The following MITF variants were observed in gnomAD, a reference collection of about 807,000 sequenced individuals.
MITF encodes melanocyte inducing transcription factor.
In MITF, 17 loss-of-function variants were observed where a neutral mutation model predicts 60.5. The observed-to-expected ratio is 0.28, with a 90% confidence interval of 0.19 to 0.42. MITF has a LOEUF of 0.42. MITF is among the 10% of genes least tolerant of loss of function. MITF has a pLI of 1.00. For synonymous variants in MITF, 260 were observed against 248.5 expected (o/e 1.05, Z -0.43); for missense variants, 622 against 683.5 (o/e 0.91, Z 1.00).
At chr3:69,741,538 C>T (rs1703529669) in intron 1 of MITF, among the ~76,000 whole-genome samples, 1 of 152,050 alleles carries the variant, frequency 6.6e-6, no homozygotes, top group South Asian at 2.1e-4. Context: ...GCAAAAAAGA[C>T]TTGTAAGGGT....
chr3:69,966,348 T>G lies in MITF; in HGVS notation c.*1100T>G. ...AGGTCTTGCATTTAAAAGACAGCTT[T>G]GCGAATATTTTGTAAATTACAGTCT... On this transcript the variant is annotated 3_prime_UTR_variant, in exon 10 of 10. Coordinates refer to ENST00000352241, the MANE Select transcript of MITF (RefSeq NM_001354604.2). The G allele has an allele frequency of 4.3e-6, 1 of 233,014 alleles. No individual in the cohort carries two copies. Among genetic ancestry groups the G allele is most frequent in the African/African-American group, 2.2e-5 (1 of 45,450 alleles). The allele number at this position is 233,014 out of a possible 1,614,324, so 14.4% of individuals were successfully genotyped here.
At chr3:69,930,118 T>G (rs1310657450) in intron 2 of MITF, among the ~76,000 whole-genome samples, 1 of 152,126 alleles carries the variant, frequency 6.6e-6, no homozygotes, top group Non-Finnish European at 1.5e-5. Context: ...ATGAACATGC[T>G]GAGCTTGAGA....
Position 69,941,210 on chromosome 3 carries a change from C to G in MITF, c.667-26C>G, listed in dbSNP as rs770055096. The G allele has an allele frequency of 8.1e-6, 12 of 1,487,228 alleles. 1 individual carries two copies. In the South Asian group the frequency reaches 1.4e-4, roughly 17 times the overall value. 92.1% of individuals were successfully genotyped at this position (1,487,228 alleles called of 1,614,324 possible). A position where few individuals can be genotyped will look rare whatever the true frequency, so the allele number is the denominator to read the frequency against. On this transcript the variant is annotated intron_variant, in intron 4 of 9. Transcript: ENST00000352241. Reference sequence around the variant, plus strand: ...TTGCATAGTTTATTTATTTTTGTCTCTCTTCTCTTACCCTTTTTCCTACAG... The same window carrying G: ...TTGCATAGTTTATTTATTTTTGTCTGTCTTCTCTTACCCTTTTTCCTACAG...
At chr3:69,765,420 A>T (rs1466547457) in intron 1 of MITF, among the ~76,000 whole-genome samples, 1 of 152,248 alleles carries the variant, frequency 6.6e-6, no homozygotes, top group Non-Finnish European at 1.5e-5. Flanking sequence ...GTCAAAATAG[A>T]AACTCTTTAG....
At chr3:69,943,179 G>A (rs1055496412) in intron 5 of MITF, among the ~76,000 whole-genome samples, 1 of 150,400 alleles carries the variant, frequency 6.6e-6, no homozygotes, top group Non-Finnish European at 1.5e-5. Context: ...TGGGATTATA[G>A]GTGTGTGCCA....
intron 1 of MITF, among the ~76,000 whole-genome samples, chr3:69,873,967 G>C (rs2064295047): frequency 6.6e-6 from 1 of 152,092 alleles, no homozygotes; most frequent in African/African-American, 2.4e-5. Flanking sequence ...GTTTTTCTCA[G>C]CTAGCCTTTT....
At chr3:69,828,569 T>A (rs1268676000) in intron 1 of MITF, among the ~76,000 whole-genome samples, 1 of 151,872 alleles carries the variant, frequency 6.6e-6, no homozygotes, top group Non-Finnish European at 1.5e-5. Flanking sequence ...TCTGTGTATA[T>A]GTATATATAA....
At chr3:69,834,869 A>G (rs2063514669) in intron 1 of MITF, among the ~76,000 whole-genome samples, 1 of 135,716 alleles carries the variant, frequency 7.4e-6, no homozygotes, top group East Asian at 2.0e-4. Context: ...TTTTGATAGT[A>G]GCCATTCTAA....
intron 9 of MITF, among the ~76,000 whole-genome samples, chr3:69,962,713 A>G (rs966958417): frequency 3.9e-5 from 6 of 152,306 alleles, no homozygotes; most frequent in South Asian, 2.1e-4. Flanking sequence ...TGTGTGGTTC[A>G]TTTTAGGAGT....
At chr3:69,811,078 A>G (rs1243589267) in intron 1 of MITF, among the ~76,000 whole-genome samples, 2 of 152,220 alleles carry the variant, frequency 1.3e-5, no homozygotes, top group Non-Finnish European at 1.5e-5. Context: ...CTGACAACAC[A>G]TTAGAATGAC....
intron 1 of MITF, among the ~76,000 whole-genome samples, chr3:69,789,086 T>G (rs2062698104): frequency 6.6e-6 from 1 of 151,968 alleles, no homozygotes; most frequent in Non-Finnish European, 1.5e-5. Context: ...AATAAAAAAT[T>G]GACATAGGAC....
chr3:69,761,666 C>T (rs2062214376), intron 1 of MITF, among the ~76,000 whole-genome samples: 1 of 152,136 alleles, frequency 6.6e-6, no homozygotes. Flanking sequence ...TAAAGGTGCT[C>T]ACAGCATGCC....
At chr3:69,846,908 A>G (rs753867275) in intron 1 of MITF, among the ~76,000 whole-genome samples, 2 of 152,092 alleles carry the variant, frequency 1.3e-5, no homozygotes, top group Non-Finnish European at 2.9e-5. Context: ...AATGACAAGG[A>G]AGATGCCTAG....
At chr3:69,771,556 G>A (rs1252286975) in intron 1 of MITF, among the ~76,000 whole-genome samples, 1 of 152,194 alleles carries the variant, frequency 6.6e-6, no homozygotes, top group Admixed American at 6.5e-5. Context: ...AGCTGCTTCA[G>A]CCATCATAGA....
At chr3:69,742,752 C>T (rs1399096499) in intron 1 of MITF, among the ~76,000 whole-genome samples, 1 of 152,158 alleles carries the variant, frequency 6.6e-6, no homozygotes, top group Non-Finnish European at 1.5e-5. Flanking sequence ...AGTAAGTGCT[C>T]AGGAAATGTT....
At chr3:69,873,365 A>G (rs1373491055) in intron 1 of MITF, among the ~76,000 whole-genome samples, 2 of 152,214 alleles carry the variant, frequency 1.3e-5, no homozygotes, top group Non-Finnish European at 2.9e-5. Flanking sequence ...TACCATTTAA[A>G]AAAAATATAG....
chr3:69,790,029 A>G (rs1367703264), intron 1 of MITF, among the ~76,000 whole-genome samples: 2 of 152,222 alleles, frequency 1.3e-5, no homozygotes, highest in African/African-American at 4.8e-5. Context: ...CCAAATGTCC[A>G]TCAGCAGGTG....
chr3:69,831,830 T>G (rs2063452371), intron 1 of MITF, among the ~76,000 whole-genome samples: 1 of 152,034 alleles, frequency 6.6e-6, no homozygotes, highest in Non-Finnish European at 1.5e-5. Context: ...GCCTAATTGG[T>G]GGAAGGCTCT....
intron 2 of MITF, among the ~76,000 whole-genome samples, chr3:69,926,474 TCG>T (rs2065589535): frequency 6.6e-6 from 1 of 152,150 alleles, no homozygotes; most frequent in African/African-American, 2.4e-5. Flanking sequence ...CTTAAGAGTG[TCG>T]GTACTTATGA....
Sources: allele counts gnomAD v4.1 joint callset (sites outside exome capture counted in the v4.1 genomes callset), GRCh38; gene constraint gnomAD v4.1.1; transcripts MANE v1.5; gene names NCBI Gene and HGNC (gene_info 2026-07-23, HGNC 2026-07-21).